The following ZCCHC10 variants were observed in gnomAD, a reference collection of about 807,000 sequenced individuals.
ZCCHC10 encodes the protein zinc finger CCHC-type containing 10, also known as zinc finger CCHC domain-containing protein 10.
Under a neutral mutation model 19.5 loss-of-function variants are expected in ZCCHC10, and 16 were observed. That is an observed-to-expected ratio of 0.82 (90% CI 0.56 to 1.25). The LOEUF (loss-of-function observed/expected upper bound fraction) is 1.25. ZCCHC10 is among the 50% of genes most tolerant of loss of function. The pLI is 0.00. For missense variants in ZCCHC10, 197 were observed against 201.0 expected (o/e 0.98, Z 0.12); for synonymous variants, 67 against 72.5 (o/e 0.92, Z 0.38).
At chr5:133,025,656 A>G (rs561305676) in intron 1 of ZCCHC10, among the ~76,000 whole-genome samples, 159 of 152,276 alleles carry the variant, frequency 1.0e-3, no homozygotes, top group African/African-American at 3.7e-3. Flanking sequence ...TTTCAGGCTC[A>G]AAGCAATTAT....
chr5:133,022,097 A>C (rs1441763825), intron 2 of ZCCHC10, among the ~76,000 whole-genome samples: 1 of 151,960 alleles, frequency 6.6e-6, no homozygotes. Flanking sequence ...CACCCGGCCT[A>C]CTTTATAACT....
intron 2 of ZCCHC10, 129 bp downstream of exon 2, chr5:133,022,710 CAA>C: frequency 2.7e-6 from 1 of 365,740 alleles, no homozygotes; most frequent in Non-Finnish European, 4.9e-6. Context: ...CTCAGCCTCC[CAA>C]AGTGCTGGGA....
intron 1 of ZCCHC10, among the ~76,000 whole-genome samples, chr5:133,026,103 T>G (rs1764685780): frequency 1.3e-5 from 2 of 152,324 alleles, no homozygotes; most frequent in Admixed American, 1.3e-4. Flanking sequence ...GCAGCTGGGC[T>G]GGACACTGAA....
rs571890138 is a variant in ZCCHC10 at position 132,998,945 on chromosome 5, T to G, written c.312-95A>C. 3.4e-6 allele frequency: 5 copies of G among 1,490,732 alleles called. No homozygotes were observed. In the East Asian group the frequency reaches 6.8e-5, roughly 20 times the overall value. 92.3% of individuals were successfully genotyped at this position (1,490,732 alleles called of 1,614,324 possible). The stretch of plus-strand genomic sequence containing the variant: ...TTTTTTTTCTTTTCGAGACAGAGTC[T>G]TGCTCTGTTGCCCAGTGTGGAGTGC... On this transcript the variant is annotated intron_variant, in intron 4 of 4. Coordinates refer to ENST00000509437, the MANE Select transcript of ZCCHC10 (RefSeq NM_001300816.3).
chr5:132,998,616 G>T lies in ZCCHC10; in HGVS notation c.546C>A (p.Asp182Glu). The change falls in exon 5 of 5, where the codon GAC becomes GAA. Residue 182 changes from aspartate to glutamate, a missense_variant. Transcript: ENST00000509437. ...SSSTSTDSSS[D>E]DEPPKKKKKK ...TTTTCTTCTTCTTTGGTGGTTCATC[G>T]TCAGAGCTGCTATCTGTGCTGGTGC... 6.2e-7 allele frequency: 1 copy of T among 1,613,938 alleles called. No homozygotes were observed. Among genetic ancestry groups the T allele is most frequent in the Non-Finnish European group, 8.5e-7 (1 of 1,180,018 alleles).
At chr5:133,012,431 GCA>G (rs1183085961) in intron 2 of ZCCHC10, among the ~76,000 whole-genome samples, 10 of 150,456 alleles carry the variant, frequency 6.6e-5, no homozygotes, top group African/African-American at 2.5e-4. Flanking sequence ...TCACACAACT[GCA>G]CTCCAGCCTA....
chr5:133,006,980 A>C (rs913786901), intron 2 of ZCCHC10, 60 bp from the exon 3 acceptor site: 11 of 1,434,608 alleles, frequency 7.7e-6, no homozygotes, highest in Non-Finnish European at 3.7e-6. Flanking sequence ...TTCACCCTAA[A>C]AACTATAAAA....
intron 1 of ZCCHC10, 77 bp downstream of exon 1, chr5:133,026,420 G>C: frequency 6.4e-7 from 1 of 1,570,058 alleles, no homozygotes; most frequent in Non-Finnish European, 8.7e-7. Context: ...GTCCCAATAG[G>C]GGTCCGACAC....
intron 4 of ZCCHC10, among the ~76,000 whole-genome samples, chr5:132,999,823 T>G (rs984453495): frequency 6.6e-6 from 1 of 152,132 alleles, no homozygotes; most frequent in Admixed American, 6.6e-5. Context: ...TCTTGGCTCA[T>G]GGCAACCTCT....
intron 3 of ZCCHC10, among the ~76,000 whole-genome samples, chr5:133,004,739 C>T (rs973943477): frequency 6.6e-6 from 1 of 151,784 alleles, no homozygotes; most frequent in Non-Finnish European, 1.5e-5. Context: ...ATCTGCCTGC[C>T]TCGGCCTCCC....
intron 1 of ZCCHC10, among the ~76,000 whole-genome samples, chr5:133,025,640 AG>A (rs1228331088): frequency 3.9e-5 from 6 of 152,050 alleles, no homozygotes; most frequent in Admixed American, 6.6e-5. Context: ...TTCTGTAAAA[AG>A]TAAGTTTCAG....
At chr5:132,998,898 G>T in intron 4 of ZCCHC10, 48 bp from the exon 5 acceptor site, 1 of 1,581,102 alleles carries the variant, frequency 6.3e-7, no homozygotes, top group Non-Finnish European at 8.6e-7. Context: ...ACATGTAATA[G>T]AATGTTAAAA....
intron 3 of ZCCHC10, among the ~76,000 whole-genome samples, chr5:133,004,350 T>C (rs1446465221): frequency 1.3e-5 from 2 of 152,042 alleles, no homozygotes; most frequent in Non-Finnish European, 1.5e-5. Context: ...AATTTTGTAT[T>C]TTTAGTAGAG....
intron 1 of ZCCHC10, 149 bp downstream of exon 1, chr5:133,026,348 T>A: frequency 8.8e-7 from 1 of 1,141,826 alleles, no homozygotes; most frequent in South Asian, 1.3e-5. Context: ...ACCAGACTTA[T>A]CGCCCGGGCC....
At chr5:133,020,125 G>A (rs1179001925) in intron 2 of ZCCHC10, among the ~76,000 whole-genome samples, 1 of 152,080 alleles carries the variant, frequency 6.6e-6, no homozygotes, top group Non-Finnish European at 1.5e-5. Flanking sequence ...GAGCCCAGGA[G>A]TTCAAGACAA....
chr5:133,014,511 G>A (rs1018784030), intron 2 of ZCCHC10, among the ~76,000 whole-genome samples: 2 of 152,092 alleles, frequency 1.3e-5, no homozygotes, highest in Non-Finnish European at 2.9e-5. Flanking sequence ...ATGTCTTAAC[G>A]TCCCGTATAG....
At position 132,998,648 on chromosome 5, in the gene ZCCHC10, T is replaced by C. The variant is rs1245562000; in HGVS notation, c.514A>G (p.Ser172Gly). ...CTGCTATCTGTGCTGGTGCTACTGC[T>C]ACTGGAAGAGCTGGAATCTGAGTCT... ...DSDSDSSSSS[S>G]SSTSTDSSSD... Residue 172 changes from serine to glycine, a missense_variant, in exon 5 of 5, where the codon AGC becomes GGC. Physicochemically the swap from Ser to Gly is moderately conservative, Grantham distance 56. Coordinates refer to ENST00000509437, the MANE Select transcript of ZCCHC10 (RefSeq NM_001300816.3). 2 of 1,614,144 alleles carry C rather than the reference T, an allele frequency of 1.2e-6. No homozygotes were observed. The highest frequency in any genetic ancestry group is 1.1e-5 in the South Asian group (1 of 91,084).
intron 2 of ZCCHC10, among the ~76,000 whole-genome samples, chr5:133,009,946 TAA>T (rs1267827977): frequency 1.3e-5 from 2 of 151,998 alleles, no homozygotes; most frequent in Non-Finnish European, 2.9e-5. Context: ...TTCTTATCGA[TAA>T]AGTGTTAGGT....
chr5:133,003,320 G>C (rs1434170840), intron 3 of ZCCHC10: 8 of 432,174 alleles, frequency 1.9e-5, no homozygotes, highest in Non-Finnish European at 3.2e-5. Context: ...TCTACTCAGT[G>C]AATGTGGATT....
Sources: gnomAD v4.1 joint callset for allele counts (sites outside exome capture counted in the v4.1 genomes callset) on GRCh38, gnomAD v4.1.1 for gene constraint, MANE v1.5 for transcripts, NCBI Gene and HGNC (gene_info 2026-07-23, HGNC 2026-07-21) for gene names.